The following RAP1GAP variants were observed in gnomAD, a reference collection of about 807,000 sequenced individuals.
RAP1GAP encodes the protein rap1 GTPase-activating protein 1.
A neutral mutation model predicts 87.2 loss-of-function variants in RAP1GAP; 35 were observed. That is an observed-to-expected ratio of 0.40 (90% CI 0.31 to 0.53). The LOEUF (loss-of-function observed/expected upper bound fraction) is 0.53, where lower values mean the gene tolerates loss of function less well. RAP1GAP is among the 20% of genes least tolerant of loss of function. RAP1GAP has a pLI of 0.48. For synonymous variants in RAP1GAP, 375 were observed against 363.9 expected (o/e 1.03, Z -0.35); for missense variants, 734 against 898.9 (o/e 0.82, Z 2.35).
chr1:21,651,630 C>A (rs1180429769), intron 1 of RAP1GAP: 2 of 788,838 alleles, frequency 2.5e-6, no homozygotes, highest in Non-Finnish European at 4.3e-6. Flanking sequence ...GACAGCCATG[C>A]GCGCACTGAG....
chr1:21,610,312 G>C (rs779225856), intron 13 of RAP1GAP, 37 bp from the exon 14 acceptor site: 1 of 1,610,258 alleles, frequency 6.2e-7, no homozygotes, highest in East Asian at 2.2e-5. Flanking sequence ...GGTCTGGCCA[G>C]AGGGGGCCCA....
In RAP1GAP at chr1:21,607,869, G is replaced by A. The variant is rs190296667; in HGVS notation, c.1296+344C>T. 3.4e-5 allele frequency among the ~76,000 whole-genome samples: 5 copies of A among 148,656 alleles called. No homozygotes were observed. In the East Asian group the frequency reaches 7.9e-4, roughly 23 times the overall value. On this transcript the variant is annotated intron_variant, in intron 17 of 24. Transcript: ENST00000374765. ...GAGCCTCCTCTAGCCACACCCCCACGCCATGTCCATTAGCCCCGGCCCCTG... is the reference window on the plus strand; with the variant it reads ...GAGCCTCCTCTAGCCACACCCCCACACCATGTCCATTAGCCCCGGCCCCTG...
chr1:21,653,775 G>T (rs1379415287), intron 1 of RAP1GAP, among the ~76,000 whole-genome samples: 1 of 152,054 alleles, frequency 6.6e-6, no homozygotes, highest in African/African-American at 2.4e-5. Flanking sequence ...CAGTGCTTGG[G>T]CTGGGGCCTG....
chr1:21,652,962 C>G (rs995752629), intron 1 of RAP1GAP, among the ~76,000 whole-genome samples: 1 of 152,172 alleles, frequency 6.6e-6, no homozygotes, highest in African/African-American at 2.4e-5. Flanking sequence ...GGCACAGATG[C>G]AGCCGGGGAT....
Position 21,598,477 on chromosome 1 carries a change from G to A in RAP1GAP, c.1802C>T (p.Pro601Leu). 2 of 1,613,898 alleles carry A rather than the reference G, an allele frequency of 1.2e-6. No individual in the cohort carries two copies. Among genetic ancestry groups the A allele is most frequent in the Non-Finnish European group, 1.7e-6 (2 of 1,179,864 alleles). Residue 601 changes from proline to leucine, a missense_variant, in exon 22 of 25, where the codon CCC becomes CTC. By Grantham distance (98) the Pro-to-Leu change is moderately conservative. Coordinates refer to ENST00000374765, the MANE Select transcript of RAP1GAP (RefSeq NM_002885.4). ...ATAGATGAAGGAGTCCCGCTTGTGG[G>A]GTGTTCCTGAGGATGACACGCTCTC... is the stretch of plus-strand genomic sequence containing the variant. ...GLESVSSSGTPHKRDSFIYST... is the reference protein window; with the variant it reads ...GLESVSSSGTLHKRDSFIYST...
chr1:21,649,770 C>T lies in RAP1GAP; in HGVS notation c.-122G>A, dbSNP rs368232162. The stretch of plus-strand genomic sequence containing the variant: ...AGTCCCCAGTACTCACCACACACTC[C>T]GGCGAGAAGTGAAGGACTTGTCCAC... On this transcript the variant is annotated 5_prime_UTR_variant, in exon 2 of 25. Coordinates refer to ENST00000374765, the MANE Select transcript of RAP1GAP (RefSeq NM_002885.4). The T allele has an allele frequency of 4.8e-5, 75 of 1,552,518 alleles. No individual in the cohort carries two copies. The highest frequency in any genetic ancestry group is 2.6e-4 in the South Asian group (22 of 84,076).
intron 2 of RAP1GAP, among the ~76,000 whole-genome samples, chr1:21,640,704 C>CACCA (rs1345983845): frequency 7.7e-6 from 1 of 129,654 alleles, no homozygotes; most frequent in African/African-American, 3.1e-5. Context: ...AGGGTCTTTG[C>CACCA]GCCAGGTAGA....
chr1:21,606,322 C>CT (rs1283997560), intron 17 of RAP1GAP, 125 bp from the exon 18 acceptor site: 66 of 1,372,778 alleles, frequency 4.8e-5, no homozygotes, highest in Non-Finnish European at 5.8e-5. Flanking sequence ...CTGGAAATCC[C>CT]TTCCCCTGGG....
At chr1:21,657,739 G>T (rs1402365862) in intron 1 of RAP1GAP, among the ~76,000 whole-genome samples, 1 of 152,202 alleles carries the variant, frequency 6.6e-6, no homozygotes, top group Non-Finnish European at 1.5e-5. Flanking sequence ...GACCTGGGGA[G>T]ACCTGCCTGT....
At chr1:21,606,940 A>T (rs961571391) in intron 17 of RAP1GAP, among the ~76,000 whole-genome samples, 2 of 152,120 alleles carry the variant, frequency 1.3e-5, no homozygotes, top group Non-Finnish European at 2.9e-5. Flanking sequence ...CTCAAAGGAG[A>T]CACCCCAGAT....
chr1:21,621,988 G>A (rs1393628463), intron 3 of RAP1GAP, among the ~76,000 whole-genome samples: 5 of 152,196 alleles, frequency 3.3e-5, no homozygotes, highest in Non-Finnish European at 7.4e-5. Flanking sequence ...CAGATGGGGG[G>A]TGCCCCACAT....
intron 1 of RAP1GAP, among the ~76,000 whole-genome samples, chr1:21,659,439 A>G (rs1454954407): frequency 6.6e-6 from 1 of 151,752 alleles, no homozygotes; most frequent in Non-Finnish European, 1.5e-5. Flanking sequence ...CCTCCCTTAC[A>G]TGGAGGCGGC....
In RAP1GAP at chr1:21,603,509, C is replaced by T. The variant is rs965546833; in HGVS notation, c.1429-596G>A. ...GAGTCAGGGCAGAGGAGAGGGATGG[C>T]GCTCCATGCAGACCGGCGATATTGG... On this transcript the variant is annotated intron_variant, in intron 18 of 24. Coordinates refer to ENST00000374765, the MANE Select transcript of RAP1GAP (RefSeq NM_002885.4). The surrounding 1 kb of genome is among the most constrained non-coding windows in gnomAD (Gnocchi z 6.0). 40 of 597,972 alleles carry T rather than the reference C, an allele frequency of 6.7e-5. No individual in the cohort carries two copies. In the Middle Eastern group the frequency reaches 7.9e-4, roughly 12 times the overall value. The allele number at this position is 597,972 out of a possible 1,614,324, so 37.0% of individuals were successfully genotyped here. A position where few individuals can be genotyped will look rare whatever the true frequency, so the allele number is the denominator to read the frequency against.
chr1:21,603,741 G>A lies in RAP1GAP; in HGVS notation c.1429-828C>T. ...CCTGGGGCCTGTCCCGGGGGCAGAGGGGCAACGTCCCCAATATGGCCTCCG... is the reference window on the plus strand; with the variant it reads ...CCTGGGGCCTGTCCCGGGGGCAGAGAGGCAACGTCCCCAATATGGCCTCCG... On this transcript the variant is annotated intron_variant, in intron 18 of 24. Transcript: ENST00000374765. The surrounding 1 kb of genome is among the most constrained non-coding windows in gnomAD (Gnocchi z 6.0). 1 of 1,379,158 alleles carries A rather than the reference G, an allele frequency of 7.3e-7. No homozygotes were observed. The highest frequency in any genetic ancestry group is 1.2e-5 in the South Asian group (1 of 86,234). 85.4% of individuals were successfully genotyped at this position (1,379,158 alleles called of 1,614,324 possible).
At chr1:21,607,793 G>A (rs1159600068) in intron 17 of RAP1GAP, among the ~76,000 whole-genome samples, 1 of 151,998 alleles carries the variant, frequency 6.6e-6, no homozygotes, top group African/African-American at 2.4e-5. Flanking sequence ...CCAAGTGTAA[G>A]CCCATTCTAA....
At chr1:21,628,758 G>T (rs980151658) in intron 2 of RAP1GAP, among the ~76,000 whole-genome samples, 1 of 151,442 alleles carries the variant, frequency 6.6e-6, no homozygotes, top group African/African-American at 2.4e-5. Flanking sequence ...CACAGTGGTG[G>T]GCACCTATAA....
In RAP1GAP at chr1:21,669,346, C is replaced by A. The variant is rs960274477; in HGVS notation, c.-241G>T. 1.6e-5 allele frequency: 17 copies of A among 1,067,110 alleles called. No individual in the cohort carries two copies. The highest frequency in any genetic ancestry group is 6.0e-5 in the Admixed American group (1 of 16,588). The allele number at this position is 1,067,110 out of a possible 1,614,324, so 66.1% of individuals were successfully genotyped here. A position where few individuals can be genotyped will look rare whatever the true frequency, so the allele number is the denominator to read the frequency against. Reference sequence around the variant, plus strand: ...GCTCAGATGCGGCCGGCGCTCGCCGCCGCCGCAGTTCGGGGAGGGGGACGT... The same window carrying A: ...GCTCAGATGCGGCCGGCGCTCGCCGACGCCGCAGTTCGGGGAGGGGGACGT... On this transcript the variant is annotated 5_prime_UTR_variant, in exon 1 of 25. Coordinates refer to ENST00000374765, the MANE Select transcript of RAP1GAP (RefSeq NM_002885.4). This position sits in a 1 kb window ranked among gnomAD's most constrained non-coding sequence, Gnocchi z 5.6.
At chr1:21,605,435 G>A (rs1299367543) in intron 18 of RAP1GAP, among the ~76,000 whole-genome samples, 1 of 152,174 alleles carries the variant, frequency 6.6e-6, no homozygotes, top group Admixed American at 6.5e-5. Context: ...CACACGATGT[G>A]CTCACATAGC....
rs1169396363 is a variant in RAP1GAP, at chr1:21,603,919, A to C, written c.1429-1006T>G. The C allele has an allele frequency of 2.0e-6, 3 of 1,530,738 alleles. No homozygotes were observed. The South Asian group carries it at 3.7e-5, about 19-fold the overall frequency. The allele number at this position is 1,530,738 out of a possible 1,614,324, so 94.8% of individuals were successfully genotyped here. A position where few individuals can be genotyped will look rare whatever the true frequency, so the allele number is the denominator to read the frequency against. The stretch of plus-strand genomic sequence containing the variant: ...TCCCAGGAATAAGCAATGACTGGCA[A>C]GCAGCAGAGGGCGGGGGCAGAGAGA... On this transcript the variant is annotated intron_variant, in intron 18 of 24. Transcript: ENST00000374765. The surrounding 1 kb of genome is among the most constrained non-coding windows in gnomAD (Gnocchi z 6.0).
Sources: allele counts gnomAD v4.1 joint callset (sites outside exome capture counted in the v4.1 genomes callset), GRCh38; gene constraint gnomAD v4.1.1; non-coding constraint Gnocchi (gnomAD v3.1); transcripts MANE v1.5; gene names NCBI Gene and HGNC (gene_info 2026-07-23, HGNC 2026-07-21).